Variants in TSNAX observed in about 807,000 individuals in gnomAD.
TSNAX encodes translin associated factor X, also known as translin-associated protein X.
A neutral mutation model predicts 33.0 loss-of-function variants in TSNAX; 12 were observed. The observed-to-expected ratio is 0.36, with a 90% CI of 0.23 to 0.59. The LOEUF (loss-of-function observed/expected upper bound fraction) is 0.59. Among genes scored for constraint, TSNAX ranks in the 20% least tolerant of loss-of-function variants. The pLI is 0.74. For synonymous variants in TSNAX, 110 were observed against 117.2 expected (o/e 0.94, Z 0.40); for missense variants, 267 against 341.3 (o/e 0.78, Z 1.72).
intron 4 of TSNAX, among the ~76,000 whole-genome samples, chr1:231,545,597 T>G (rs1201648086): frequency 1.3e-5 from 2 of 152,172 alleles, no homozygotes; most frequent in African/African-American, 4.8e-5. Flanking sequence ...GGGGGAAATG[T>G]CCTCCATTTC....
At chr1:231,555,087 A>G (rs144400953) in intron 4 of TSNAX, among the ~76,000 whole-genome samples, 38 of 152,336 alleles carry the variant, frequency 2.5e-4, no homozygotes, top group Middle Eastern at 3.4e-3. Flanking sequence ...TGAAAGCACG[A>G]CTTGAACAGG....
chr1:231,560,068 T>C (rs1026024876), intron 4 of TSNAX, among the ~76,000 whole-genome samples: 2 of 150,954 alleles, frequency 1.3e-5, no homozygotes, highest in Non-Finnish European at 3.0e-5. Flanking sequence ...CAAGCTCTGC[T>C]TCCCGGGTTC....
At chr1:231,528,948 G>GC in intron 1 of TSNAX, 122 bp downstream of exon 1, 1 of 1,340,436 alleles carries the variant, frequency 7.5e-7, no homozygotes, top group Non-Finnish European at 1.1e-6. Context: ...CTCGGGGGCG[G>GC]CCCCTCTGTT....
intron 2 of TSNAX, among the ~76,000 whole-genome samples, chr1:231,531,968 G>A (rs1167350036): frequency 6.6e-6 from 1 of 151,720 alleles, no homozygotes; most frequent in Non-Finnish European, 1.5e-5. Flanking sequence ...TACTCCGGAG[G>A]GGCTGGGGCA....
At chr1:231,544,574 A>G (rs1316465605) in intron 4 of TSNAX, among the ~76,000 whole-genome samples, 3 of 152,252 alleles carry the variant, frequency 2.0e-5, no homozygotes, top group African/African-American at 7.2e-5. Context: ...TTGTGACAAC[A>G]TCAAGTTCCC....
At chr1:231,532,990 C>T (rs920009325) in intron 2 of TSNAX, among the ~76,000 whole-genome samples, 2 of 151,738 alleles carry the variant, frequency 1.3e-5, no homozygotes, top group Non-Finnish European at 2.9e-5. Context: ...ATAAGATTTA[C>T]CAAGTGTTTT....
chr1:231,532,984 G>C (rs1658879911), intron 2 of TSNAX, among the ~76,000 whole-genome samples: 1 of 151,340 alleles, frequency 6.6e-6, no homozygotes, highest in African/African-American at 2.4e-5. Context: ...CCTTTCATAA[G>C]ATTTACCAAG....
chr1:231,565,106 T>A lies in TSNAX; in HGVS notation c.*201T>A. On this transcript the variant is annotated 3_prime_UTR_variant, in exon 6 of 6. Coordinates refer to ENST00000366639, the MANE Select transcript of TSNAX (RefSeq NM_005999.3). ...TATATCTTATTCATGAAAGTTTGCATACAGATGTTTGCATATATGCCTTTT... is the reference window on the plus strand; with the variant it reads ...TATATCTTATTCATGAAAGTTTGCAAACAGATGTTTGCATATATGCCTTTT... 1 of 651,990 alleles carries A rather than the reference T, an allele frequency of 1.5e-6. No homozygotes were observed. Among genetic ancestry groups the A allele is most frequent in the Non-Finnish European group, 2.4e-6 (1 of 408,664 alleles). 40.4% of individuals were successfully genotyped at this position (651,990 alleles called of 1,614,324 possible).
chr1:231,541,777 G>C (rs7533763), intron 3 of TSNAX, among the ~76,000 whole-genome samples: 2,399 of 152,196 alleles, frequency 0.016, 68 homozygotes, highest in African/African-American at 0.055. Flanking sequence ...TGTTCTGCCT[G>C]CTCACTTTGG....
rs185754637 is a variant in TSNAX at position 231,564,928 on chromosome 1, A to G, written c.*23A>G. The G allele has an allele frequency of 1.9e-4, 304 of 1,601,436 alleles. No homozygotes were observed. In the African/African-American group the frequency reaches 3.6e-3, roughly 19 times the overall value. ...TAGAATCTAACGTTACTCAGTTACT[A>G]ATTCTTTTGAGAACTCCTAAGAGAC... On this transcript the variant is annotated 3_prime_UTR_variant, in exon 6 of 6. Coordinates refer to ENST00000366639, the MANE Select transcript of TSNAX (RefSeq NM_005999.3).
rs1659326242 is a variant in TSNAX at position 231,538,305 on chromosome 1, TTTC to T, written c.236+981_236+983del. Among the ~76,000 whole-genome samples the T allele has an allele frequency of 3.9e-5, 6 of 152,346 alleles. No homozygotes were observed. In the South Asian group the frequency reaches 1.0e-3, roughly 26 times the overall value. ...AAAAAAGCCACTATCAACTAGCAGA[TTTC>T]TTATTTTATGCACTATTTTCTATTA... On this transcript the variant is annotated intron_variant, in intron 3 of 5. Coordinates refer to ENST00000366639, the MANE Select transcript of TSNAX (RefSeq NM_005999.3).
chr1:231,564,412 C>CT (rs1661299485), intron 5 of TSNAX, 116 bp from the exon 6 acceptor site: 1 of 1,473,534 alleles, frequency 6.8e-7, no homozygotes, highest in South Asian at 1.5e-5. Context: ...GACTGATTTG[C>CT]TATTGATTTT....
Position 231,561,101 on chromosome 1 carries a change from T to A in TSNAX, c.368-27T>A, listed in dbSNP as rs770352499. 9 of 1,600,006 alleles carry A rather than the reference T, an allele frequency of 5.6e-6. No individual in the cohort carries two copies. In the Admixed American group the frequency reaches 1.6e-4, roughly 28 times the overall value. ...TTCTTACTAATTAAGTGCTTATTCTTAGTAATTTTCTTTGTCACGCTTTCA... is the reference window on the plus strand; with the variant it reads ...TTCTTACTAATTAAGTGCTTATTCTAAGTAATTTTCTTTGTCACGCTTTCA... On this transcript the variant is annotated intron_variant, in intron 4 of 5. Transcript: ENST00000366639.
chr1:231,529,165 G>T, intron 1 of TSNAX, 90 bp from the exon 2 acceptor site: 4 of 1,353,398 alleles, frequency 3.0e-6, no homozygotes, highest in Non-Finnish European at 4.1e-6. Context: ...TGGGTATCTG[G>T]TTTTAAAGCA....
chr1:231,551,733 C>T (rs4658923), intron 4 of TSNAX, among the ~76,000 whole-genome samples: 1 of 148,794 alleles, frequency 6.7e-6, no homozygotes, highest in African/African-American at 2.5e-5. Flanking sequence ...TTTGGGAGGT[C>T]ATGGTGGGAG....
At chr1:231,544,211 A>G (rs1318573442) in intron 4 of TSNAX, among the ~76,000 whole-genome samples, 2 of 152,218 alleles carry the variant, frequency 1.3e-5, no homozygotes. Context: ...GAACTGAAGC[A>G]GCAGTACAGT....
At chr1:231,548,046 T>G (rs1404553773) in intron 4 of TSNAX, among the ~76,000 whole-genome samples, 3 of 152,002 alleles carry the variant, frequency 2.0e-5, no homozygotes, top group Non-Finnish European at 4.4e-5. Context: ...TTCACCATGT[T>G]AGCCAGGATG....
intron 5 of TSNAX, among the ~76,000 whole-genome samples, chr1:231,563,184 T>C (rs1661221788): frequency 6.6e-6 from 1 of 152,260 alleles, no homozygotes; most frequent in Non-Finnish European, 1.5e-5. Flanking sequence ...TGTATGCCTT[T>C]GTAGTTCCCA....
chr1:231,555,564 A>G (rs188275903), intron 4 of TSNAX, among the ~76,000 whole-genome samples: 2 of 152,328 alleles, frequency 1.3e-5, no homozygotes, highest in African/African-American at 4.8e-5. Flanking sequence ...AAGCTGGTAA[A>G]TGTTATGTTT....
Sources: gnomAD v4.1 joint callset for allele counts (sites outside exome capture counted in the v4.1 genomes callset) on GRCh38, gnomAD v4.1.1 for gene constraint, MANE v1.5 for transcripts, NCBI Gene and HGNC (gene_info 2026-07-23, HGNC 2026-07-21) for gene names.